The following PARP4 variants were observed in gnomAD, a reference collection of about 807,000 sequenced individuals.
PARP4 encodes poly(ADP-ribose) polymerase family member 4, also known as protein mono-ADP-ribosyltransferase PARP4.
Under a neutral mutation model 187.7 loss-of-function variants are expected in PARP4, and 120 were observed. The ratio of observed to expected loss-of-function variants is 0.64; its 90% CI spans 0.55 to 0.74. The LOEUF is 0.74. PARP4 is among the 30% of genes least tolerant of loss of function. The pLI is 0.00. For missense variants in PARP4, 1,836 were observed against 2,070.5 expected (o/e 0.89, Z 2.20); for synonymous variants, 654 against 740.9 (o/e 0.88, Z 1.90).
At chr13:24,469,366 G>T (rs556188602) in intron 16 of PARP4, among the ~76,000 whole-genome samples, 2 of 152,292 alleles carry the variant, frequency 1.3e-5, no homozygotes, top group African/African-American at 4.8e-5. Context: ...AAATTTTTCT[G>T]GTTGGGAGTT....
intron 17 of PARP4, among the ~76,000 whole-genome samples, chr13:24,464,269 A>G (rs1488444206): frequency 6.6e-6 from 1 of 152,216 alleles, no homozygotes; most frequent in Non-Finnish European, 1.5e-5. Context: ...ACTACCATTG[A>G]CATTCTTCAC....
intron 27 of PARP4, among the ~76,000 whole-genome samples, chr13:24,445,144 C>T (rs537319254): frequency 1.3e-3 from 199 of 152,310 alleles, no homozygotes; most frequent in African/African-American, 3.7e-3. Context: ...TTGAGTCTCA[C>T]GTGGCTCGTG....
At chr13:24,484,179 T>G (rs552826578) in intron 12 of PARP4, among the ~76,000 whole-genome samples, 4 of 152,274 alleles carry the variant, frequency 2.6e-5, no homozygotes, top group African/African-American at 7.2e-5. Context: ...TGGCAGATGA[T>G]GTACATGGGG....
chr13:24,496,192 C>A (rs925145416), intron 6 of PARP4, among the ~76,000 whole-genome samples: 1 of 152,222 alleles, frequency 6.6e-6, no homozygotes, highest in Non-Finnish European at 1.5e-5. Context: ...ATAACACATT[C>A]TATCATGTTT....
intron 2 of PARP4, among the ~76,000 whole-genome samples, chr13:24,503,072 G>A (rs1266780824): frequency 6.6e-6 from 1 of 152,192 alleles, no homozygotes; most frequent in African/African-American, 2.4e-5. Context: ...AGGTTAAACT[G>A]AATTATTTCT....
At chr13:24,499,849 A>G (rs1869174311) in intron 4 of PARP4, among the ~76,000 whole-genome samples, 1 of 152,158 alleles carries the variant, frequency 6.6e-6, no homozygotes, top group Non-Finnish European at 1.5e-5. Context: ...AACAAATACA[A>G]CAAGATTGAA....
At chr13:24,439,502 G>A (rs909152830) in intron 30 of PARP4, among the ~76,000 whole-genome samples, 1 of 150,756 alleles carries the variant, frequency 6.6e-6, no homozygotes, top group Non-Finnish European at 1.5e-5. Flanking sequence ...CTTAACATAT[G>A]TAGCAGAGTG....
At position 24,450,321 on chromosome 13, in the gene PARP4, A is replaced by G. The variant is rs188395403; in HGVS notation, c.3015-504T>C. 7.2e-5 allele frequency among the ~76,000 whole-genome samples: 11 copies of G among 152,012 alleles called. No homozygotes were observed. In the East Asian group the frequency reaches 1.9e-3, roughly 27 times the overall value. On this transcript the variant is annotated intron_variant, in intron 24 of 33. Coordinates refer to ENST00000381989, the MANE Select transcript of PARP4 (RefSeq NM_006437.4). ...CTGACATTTAAATGACAAGTGCCCTATTACTTTTCTCTCTACAATAATTCT... is the reference window on the plus strand; with the variant it reads ...CTGACATTTAAATGACAAGTGCCCTGTTACTTTTCTCTCTACAATAATTCT...
chr13:24,477,207 T>C (rs1264335081), intron 14 of PARP4, among the ~76,000 whole-genome samples: 2 of 152,198 alleles, frequency 1.3e-5, no homozygotes, highest in African/African-American at 2.4e-5. Context: ...AGGCTGGCCA[T>C]GGTGGCTCAT....
intron 27 of PARP4, among the ~76,000 whole-genome samples, chr13:24,446,444 G>A (rs1476407373): frequency 6.6e-6 from 1 of 151,424 alleles, no homozygotes; most frequent in African/African-American, 2.4e-5. Context: ...GGAAGAGGAA[G>A]AACTGTCTTG....
intron 27 of PARP4, 74 bp downstream of exon 27, chr13:24,446,607 T>A: frequency 9.9e-7 from 1 of 1,010,584 alleles, no homozygotes; most frequent in Non-Finnish European, 1.6e-6. Flanking sequence ...AAGCTTGACA[T>A]AGAGCATTAT....
chr13:24,448,541 A>C (rs1871330568), intron 25 of PARP4, among the ~76,000 whole-genome samples: 1 of 152,224 alleles, frequency 6.6e-6, no homozygotes, highest in Non-Finnish European at 1.5e-5. Context: ...AAAATGATGC[A>C]GCTGCTATGG....
At chr13:24,468,646 T>C (rs1034792888) in intron 17 of PARP4, among the ~76,000 whole-genome samples, 21 of 152,102 alleles carry the variant, frequency 1.4e-4, no homozygotes, top group Non-Finnish European at 2.6e-4. Flanking sequence ...TCAGGTGATA[T>C]GCCCACCTCA....
chr13:24,441,261 C>T (rs1870911203), intron 30 of PARP4, among the ~76,000 whole-genome samples: 2 of 152,208 alleles, frequency 1.3e-5, no homozygotes, highest in African/African-American at 4.8e-5. Flanking sequence ...ACCTCAGCTT[C>T]CCAAAGTGCT....
intron 27 of PARP4, among the ~76,000 whole-genome samples, chr13:24,445,842 G>C (rs1871181441): frequency 1.3e-5 from 2 of 152,106 alleles, no homozygotes; most frequent in Non-Finnish European, 2.9e-5. Flanking sequence ...CCGGTGTCTG[G>C]AGTTGGAATC....
At chr13:24,496,971 C>T (rs1283955635) in intron 6 of PARP4, among the ~76,000 whole-genome samples, 8 of 151,818 alleles carry the variant, frequency 5.3e-5, no homozygotes, top group African/African-American at 9.7e-5. Flanking sequence ...TGCAGTGAGC[C>T]GAGATCGCAC....
chr13:24,428,295 C>T (rs1449194326), intron 32 of PARP4, among the ~76,000 whole-genome samples: 2 of 151,940 alleles, frequency 1.3e-5, no homozygotes, highest in Non-Finnish European at 2.9e-5. Context: ...AGCGTCTTTG[C>T]TGTTTCTTGT....
intron 31 of PARP4, among the ~76,000 whole-genome samples, chr13:24,432,807 A>C (rs997645442): frequency 6.6e-5 from 10 of 152,178 alleles, no homozygotes; most frequent in African/African-American, 2.4e-4. Context: ...CATCACATGC[A>C]CAGGAGAATG....
At position 24,455,188 on chromosome 13, in the gene PARP4, C is replaced by T. The variant is rs141578952; in HGVS notation, c.2587G>A (p.Asp863Asn). 19 of 1,594,222 alleles carry T rather than the reference C, an allele frequency of 1.2e-5. No homozygotes were observed. The highest frequency in any genetic ancestry group is 8.0e-5 in the African/African-American group (6 of 74,614). ...AGGTCAGGGAGGTCGACATCGAGAT[C>T]GGGTTGAAAGACAAGCATGCAAGCC... ...SEACMLVFQP[D>N]LDVDLPDLAS... The change falls in exon 22 of 34, where the codon GAT becomes AAT. Residue 863 changes from aspartate (D) to asparagine (N), a missense_variant. Around this residue, in one of 8 missense-constraint regions of PARP4, gnomAD observed 1,147 missense variants for 1,214.2 expected, o/e 0.94. Transcript: ENST00000381989.
Sources: allele counts gnomAD v4.1 joint callset (sites outside exome capture counted in the v4.1 genomes callset), GRCh38; gene constraint gnomAD v4.1.1; regional missense constraint gnomAD v4.1.1; transcripts MANE v1.5; gene names NCBI Gene and HGNC (gene_info 2026-07-23, HGNC 2026-07-21).